The following MAPK10 variants were observed in gnomAD, a reference collection of about 807,000 sequenced individuals.
MAPK10 encodes mitogen-activated protein kinase 10.
In MAPK10, 25 loss-of-function variants were observed where a neutral mutation model predicts 59.3. The ratio of observed to expected loss-of-function variants is 0.42; its 90% confidence interval spans 0.31 to 0.59. MAPK10 has a LOEUF of 0.59. Among genes scored for constraint, MAPK10 ranks in the 20% least tolerant of loss-of-function variants. The pLI is 0.15. For synonymous variants in MAPK10, 190 were observed against 200.5 expected, an observed-to-expected ratio of 0.95 and a Z score of 0.44; for missense variants, 351 against 568.9, an observed-to-expected ratio of 0.62 and a Z score of 3.90.
intron 2 of MAPK10, among the ~76,000 whole-genome samples, chr4:86,198,153 T>A (rs996784908): frequency 6.6e-6 from 1 of 152,150 alleles, no homozygotes; most frequent in African/African-American, 2.4e-5. Context: ...TTCCAGACCA[T>A]CTTGCTAAGG....
intron 2 of MAPK10, chr4:86,219,749 T>C (rs748191209): frequency 2.6e-5 from 4 of 152,130 alleles, no homozygotes; most frequent in Non-Finnish European, 5.9e-5. Context: ...CAGTCTTTTA[T>C]AAGAAAAATA....
At chr4:86,576,447 G>A (rs912191111) in intron 1 of MAPK10, among the ~76,000 whole-genome samples, 2 of 152,098 alleles carry the variant, frequency 1.3e-5, no homozygotes, top group South Asian at 4.1e-4. Context: ...TAAACTGAAA[G>A]ACCTGAATTT....
At chr4:86,554,482 T>A (rs755040752) in intron 1 of MAPK10, among the ~76,000 whole-genome samples, 8 of 152,162 alleles carry the variant, frequency 5.3e-5, no homozygotes, top group Non-Finnish European at 8.8e-5. Flanking sequence ...GGAATCAACA[T>A]CCTCAAGTTT....
chr4:86,425,546 A>G (rs1486301704), intron 1 of MAPK10, among the ~76,000 whole-genome samples: 3 of 152,172 alleles, frequency 2.0e-5, no homozygotes, highest in African/African-American at 7.2e-5. Context: ...AAACCATCCA[A>G]TTGTATGACT....
chr4:86,171,860 T>C (rs1199643091), intron 3 of MAPK10, among the ~76,000 whole-genome samples: 1 of 150,332 alleles, frequency 6.7e-6, no homozygotes, highest in South Asian at 2.1e-4. Context: ...GAATCTACAA[T>C]GAACTCAAAC....
intron 1 of MAPK10, among the ~76,000 whole-genome samples, chr4:86,369,998 T>C (rs1423580793): frequency 2.0e-5 from 3 of 152,168 alleles, no homozygotes; most frequent in Non-Finnish European, 2.9e-5. Context: ...CCTTAGTAGA[T>C]GACAGTCACT....
At chr4:86,238,497 CTGTT>C (rs1275844996) in intron 2 of MAPK10, among the ~76,000 whole-genome samples, 4 of 151,960 alleles carry the variant, frequency 2.6e-5, no homozygotes, top group Admixed American at 6.6e-5. Context: ...TGTTTTTCCT[CTGTT>C]TGTTTCCTCT....
chr4:86,025,318 G>A (rs547117001), intron 13 of MAPK10: 8 of 389,868 alleles, frequency 2.1e-5, no homozygotes, highest in African/African-American at 6.2e-5. Context: ...CCTCTATTGC[G>A]CTATAATAAA....
At chr4:86,090,488 C>T (rs916730322) in intron 9 of MAPK10, 2 of 151,972 alleles carry the variant, frequency 1.3e-5, no homozygotes, top group African/African-American at 4.8e-5. Flanking sequence ...CCCAAAGAAG[C>T]AAATTTGTTT....
At chr4:86,475,341 C>T (rs1290290736) in intron 1 of MAPK10, among the ~76,000 whole-genome samples, 3 of 152,184 alleles carry the variant, frequency 2.0e-5, no homozygotes, top group Non-Finnish European at 4.4e-5. Flanking sequence ...CTCAGACCGA[C>T]CAGCCCAAGG....
intron 1 of MAPK10, chr4:86,358,648 T>C (rs1374099240): frequency 6.6e-6 from 1 of 152,066 alleles, no homozygotes; most frequent in Non-Finnish European, 1.5e-5. Flanking sequence ...AGACTAGGTC[T>C]CTAGATTTAA....
intron 3 of MAPK10, among the ~76,000 whole-genome samples, chr4:86,181,071 A>T (rs2076827539): frequency 6.6e-6 from 1 of 152,138 alleles, no homozygotes; most frequent in Non-Finnish European, 1.5e-5. Flanking sequence ...ACTATACATT[A>T]TATGTATCAA....
At chr4:86,297,243 C>T (rs890810406) in intron 2 of MAPK10, among the ~76,000 whole-genome samples, 3 of 151,962 alleles carry the variant, frequency 2.0e-5, no homozygotes, top group East Asian at 1.9e-4. Context: ...TTTGTCAATC[C>T]GTTGGTTTTA....
chr4:86,052,781 G>A (rs1436525), intron 11 of MAPK10, among the ~76,000 whole-genome samples: 2,840 of 152,108 alleles, frequency 0.019, 51 homozygotes, highest in Admixed American at 0.029. Context: ...TGCAAACTCC[G>A]CCTCCCAGGT....
At chr4:86,217,149 A>C (rs1171001953) in intron 2 of MAPK10, among the ~76,000 whole-genome samples, 1 of 152,164 alleles carries the variant, frequency 6.6e-6, no homozygotes, top group Non-Finnish European at 1.5e-5. Context: ...TTTCTCACCA[A>C]AATTTGGCCA....
chr4:86,065,389 A>C (rs1398083624), intron 10 of MAPK10: 2 of 152,178 alleles, frequency 1.3e-5, no homozygotes, highest in African/African-American at 4.8e-5. Context: ...TACACCAGAC[A>C]CTAATGAGAA....
intron 3 of MAPK10, among the ~76,000 whole-genome samples, chr4:86,170,868 C>A (rs28890938): frequency 0.27 from 40,084 of 147,426 alleles, 8,389 homozygotes; most frequent in African/African-American, 0.6. Flanking sequence ...AATTATAACA[C>A]ACTATCTCTC....
rs200140286 is a variant in MAPK10 at position 86,402,898 on chromosome 4, A to C, written c.-121-48254T>G. Among the ~76,000 whole-genome samples, 7 of 152,268 alleles carry C rather than the reference A, an allele frequency of 4.6e-5. No individual in the cohort carries two copies. In the East Asian group the frequency reaches 1.2e-3, roughly 25 times the overall value. Reference sequence around the variant, plus strand: ...AGCATGGCCTGGGCTCAAATGCAACATTGGATTTCAGAGAGCAGCATCTGG... The same window carrying C: ...AGCATGGCCTGGGCTCAAATGCAACCTTGGATTTCAGAGAGCAGCATCTGG... On this transcript the variant is annotated intron_variant, in intron 1 of 13. Coordinates refer to the MAPK10 transcript ENST00000361569.
intron 11 of MAPK10, chr4:86,032,704 T>C (rs1247607809): frequency 6.6e-6 from 1 of 152,216 alleles, no homozygotes; most frequent in Non-Finnish European, 1.5e-5. Flanking sequence ...GCTTGAATCA[T>C]GACAGACACA....
Sources: allele counts gnomAD v4.1 joint callset (sites outside exome capture counted in the v4.1 genomes callset), GRCh38; gene constraint gnomAD v4.1.1; transcripts MANE v1.5; gene names NCBI Gene and HGNC (gene_info 2026-07-23, HGNC 2026-07-21).